Variants in DIS3L2 observed in about 807,000 individuals in gnomAD.
DIS3L2 encodes the protein DIS3-like exonuclease 2.
DIS3L2 carries 34 observed loss-of-function variants against 97.5 expected under a neutral mutation model. The observed-to-expected ratio is 0.35, with a 90% CI of 0.27 to 0.46. The LOEUF (loss-of-function observed/expected upper bound fraction) is 0.46, where lower values mean the gene tolerates loss of function less well. DIS3L2 is among the 20% of genes least tolerant of loss of function. The probability of loss-of-function intolerance (pLI) is 1.00; values close to 1 mark genes in which losing one functional copy is unlikely to be tolerated. For synonymous variants in DIS3L2, 435 were observed against 445.2 expected (o/e 0.98, Z 0.29); for missense variants, 1,038 against 1,146.0 (o/e 0.91, Z 1.36).
intron 5 of DIS3L2, among the ~76,000 whole-genome samples, chr2:232,048,296 G>A (rs1330520055): frequency 1.3e-5 from 2 of 151,986 alleles, no homozygotes; most frequent in African/African-American, 4.8e-5. Flanking sequence ...CTTTTCACAC[G>A]CAAGTCACCA....
intron 1 of DIS3L2, among the ~76,000 whole-genome samples, chr2:231,980,470 G>A (rs1161998435): frequency 1.3e-5 from 2 of 152,008 alleles, no homozygotes; most frequent in African/African-American, 2.4e-5. Flanking sequence ...AGGCTGAGGC[G>A]GGCAGATAAT....
chr2:232,106,186 A>G (rs905915320), intron 6 of DIS3L2, among the ~76,000 whole-genome samples: 1 of 152,142 alleles, frequency 6.6e-6, no homozygotes, highest in Non-Finnish European at 1.5e-5. Flanking sequence ...TCTATTTACA[A>G]TTACATTACA....
intron 13 of DIS3L2, among the ~76,000 whole-genome samples, chr2:232,296,203 G>A (rs886743226): frequency 6.6e-6 from 1 of 152,152 alleles, no homozygotes; most frequent in Admixed American, 6.5e-5. Context: ...AGAGAATCCT[G>A]AACACTTGTT....
intron 1 of DIS3L2, among the ~76,000 whole-genome samples, chr2:231,983,564 G>A (rs1483888016): frequency 6.6e-6 from 1 of 152,150 alleles, no homozygotes. Flanking sequence ...TGTGAGGGAT[G>A]TAGGTTATGT....
chr2:232,059,633 T>G (rs1241515537), intron 5 of DIS3L2, among the ~76,000 whole-genome samples: 2 of 152,156 alleles, frequency 1.3e-5, no homozygotes, highest in African/African-American at 4.8e-5. Context: ...CTTGCCCCTA[T>G]CCCTTCCTTC....
intron 8 of DIS3L2, among the ~76,000 whole-genome samples, chr2:232,145,350 A>G (rs144120030): frequency 5.3e-4 from 81 of 152,304 alleles, no homozygotes; most frequent in African/African-American, 1.8e-3. Context: ...TAATTTTTAT[A>G]CATTATCCTA....
At chr2:232,085,705 A>G (rs570481419) in intron 5 of DIS3L2, among the ~76,000 whole-genome samples, 76 of 152,360 alleles carry the variant, frequency 5.0e-4, no homozygotes, top group Non-Finnish European at 7.5e-4. Context: ...CAGTGACTCA[A>G]TAACACCTGG....
rs10682281 is a variant in DIS3L2 at position 232,128,451 on chromosome 2, ATTTTTTTTTTTTTT to A, written c.602-2153_602-2140del. Reference sequence around the variant, plus strand: ...TCTCATTAAATTGACAACTTTGCTAATTTTTTTTTTTTTTTTTTTTTTTTTTTTGGAGAGACAGG... The same window carrying A: ...TCTCATTAAATTGACAACTTTGCTAATTTTTTTTTTTTTTGGAGAGACAGG... On this transcript the variant is annotated intron_variant, in intron 6 of 20. Coordinates refer to ENST00000325385, the MANE Select transcript of DIS3L2 (RefSeq NM_152383.5). 5.8e-3 allele frequency among the ~76,000 whole-genome samples: 417 copies of A among 71,706 alleles called. 2 individuals carry two copies. Among genetic ancestry groups the A allele is most frequent in the Middle Eastern group, 0.012 (1 of 84 alleles). The allele number at this position is 71,706 out of a possible 152,430, so 47.0% of individuals were successfully genotyped here. A position where few individuals can be genotyped will look rare whatever the true frequency, so the allele number is the denominator to read the frequency against.
In DIS3L2 at chr2:231,971,478, C is replaced by G. The variant is rs549309143; in HGVS notation, c.-94+9713C>G. On this transcript the variant is annotated intron_variant, in intron 1 of 20. Transcript: ENST00000325385. Reference sequence around the variant, plus strand: ...TTTGTTTGTTTTTTGAACGGAGTCTCGCACTCTCGCCCAGGCTGGAGTGCA... The same window carrying G: ...TTTGTTTGTTTTTTGAACGGAGTCTGGCACTCTCGCCCAGGCTGGAGTGCA... Among the ~76,000 whole-genome samples, 325 of 151,090 alleles carry G rather than the reference C, an allele frequency of 2.2e-3. 2 individuals carry two copies. Among genetic ancestry groups the G allele is most frequent in the African/African-American group, 7.6e-3 (314 of 41,156 alleles).
At chr2:232,213,501 A>G (rs1298302368) in intron 10 of DIS3L2, among the ~76,000 whole-genome samples, 6 of 152,050 alleles carry the variant, frequency 3.9e-5, no homozygotes, top group Non-Finnish European at 7.4e-5. Context: ...TTATCCAAGG[A>G]GTTGAAAAGG....
chr2:232,023,052 T>C (rs1371785677), intron 3 of DIS3L2: 1 of 152,220 alleles, frequency 6.6e-6, no homozygotes, highest in Admixed American at 6.5e-5. Flanking sequence ...TCTGATTTAT[T>C]TGCAAATTTT....
At chr2:232,284,889 C>T (rs951149288) in intron 13 of DIS3L2, among the ~76,000 whole-genome samples, 1 of 152,120 alleles carries the variant, frequency 6.6e-6, no homozygotes, top group Non-Finnish European at 1.5e-5. Context: ...CATGGAGCTG[C>T]ACACCACAGA....
At chr2:232,318,411 G>A (rs564240303) in intron 14 of DIS3L2, among the ~76,000 whole-genome samples, 22 of 152,344 alleles carry the variant, frequency 1.4e-4, no homozygotes, top group Admixed American at 4.6e-4. Flanking sequence ...TGCTTGTCCA[G>A]CAAACATTAT....
At chr2:232,063,907 A>C (rs1356521976) in intron 5 of DIS3L2, among the ~76,000 whole-genome samples, 1 of 152,122 alleles carries the variant, frequency 6.6e-6, no homozygotes, top group Non-Finnish European at 1.5e-5. Context: ...TATTTCTTGG[A>C]TTTTAAGTTT....
chr2:231,964,770 A>G (rs765409329), intron 1 of DIS3L2, among the ~76,000 whole-genome samples: 7 of 152,256 alleles, frequency 4.6e-5, no homozygotes, highest in Non-Finnish European at 8.8e-5. Context: ...AAGTGCACAC[A>G]TGAAATTATT....
At chr2:232,135,834 T>G (rs1368502242) in intron 7 of DIS3L2, among the ~76,000 whole-genome samples, 1 of 151,818 alleles carries the variant, frequency 6.6e-6, no homozygotes, top group Non-Finnish European at 1.5e-5. Flanking sequence ...CTGGCTACGG[T>G]AGGGAAAGGA....
intron 12 of DIS3L2, among the ~76,000 whole-genome samples, chr2:232,252,102 G>A (rs936203977): frequency 6.6e-6 from 1 of 152,176 alleles, no homozygotes; most frequent in African/African-American, 2.4e-5. Context: ...TGTCCTTCAG[G>A]TCTGTCTTAA....
rs181123105 is a variant in DIS3L2 at position 232,321,701 on chromosome 2, G to A, written c.1740-8112G>A. Among the ~76,000 whole-genome samples, 1,178 of 152,338 alleles carry A rather than the reference G, an allele frequency of 7.7e-3. 7 individuals are homozygous for A. Among genetic ancestry groups the A allele is most frequent in the Middle Eastern group, 0.01 (3 of 294 alleles). ...GCCTGAGCCTGAGGCAACCAGGAGG[G>A]GGCAGCCTTATCAGGGAGGCCGTGG... On this transcript the variant is annotated intron_variant, in intron 14 of 20. Transcript: ENST00000325385.
chr2:232,175,110 T>C (rs570031425), intron 9 of DIS3L2, among the ~76,000 whole-genome samples: 8 of 152,292 alleles, frequency 5.3e-5, no homozygotes, highest in Middle Eastern at 3.4e-3. Flanking sequence ...ATTACAGATA[T>C]GAGCTAAGCA....
Sources: gnomAD v4.1 joint callset for allele counts (sites outside exome capture counted in the v4.1 genomes callset) on GRCh38, gnomAD v4.1.1 for gene constraint, MANE v1.5 for transcripts, NCBI Gene and HGNC (gene_info 2026-07-23, HGNC 2026-07-21) for gene names.